The following CTNND1 variants were observed in gnomAD, a reference collection of about 807,000 sequenced individuals.
CTNND1 encodes catenin delta 1.
CTNND1 carries 16 observed loss-of-function variants against 112.1 expected under a neutral mutation model. The ratio of observed to expected loss-of-function variants is 0.14; its 90% CI spans 0.10 to 0.22. CTNND1 has a LOEUF of 0.22. Ranked by LOEUF, CTNND1 falls within the 10% of genes least tolerant of loss-of-function variation. The probability of loss-of-function intolerance (pLI) is 1.00; values close to 1 mark genes in which losing one functional copy is unlikely to be tolerated. For missense variants in CTNND1, 1,008 were observed against 1,257.0 expected (o/e 0.80, Z 3.00); for synonymous variants, 420 against 446.5 (o/e 0.94, Z 0.75).
chr11:57,804,178 A>G (rs1209762578), intron 8 of CTNND1, among the ~76,000 whole-genome samples: 3 of 152,214 alleles, frequency 2.0e-5, no homozygotes, highest in Non-Finnish European at 4.4e-5. Context: ...AATTCAGCAA[A>G]AGGGGTACAG....
intron 1 of CTNND1, among the ~76,000 whole-genome samples, chr11:57,781,179 C>T (rs1337230487): frequency 3.9e-4 from 59 of 152,108 alleles, no homozygotes; most frequent in Admixed American, 3.9e-3. Flanking sequence ...CCTGGTGATC[C>T]ACCCGCCTCA....
In CTNND1 at chr11:57,801,881, C is replaced by T. The variant is rs61754545; in HGVS notation, c.1105C>T (p.Pro369Ser). The T allele has an allele frequency of 1.9e-5, 30 of 1,613,930 alleles. No individual in the cohort carries two copies. The highest frequency in any genetic ancestry group is 2.4e-5 in the Non-Finnish European group (28 of 1,179,908). Residue 369 changes from proline to serine, a missense_variant, in exon 7 of 21, where the codon CCA becomes TCA. This residue lies in a region of CTNND1 where 216 missense variants were observed against 342.8 expected (regional missense o/e 0.63). Transcript: ENST00000399050. ...TCCTAATTGGAGACAGCCAGAGCTG[C>T]CAGAGGTGATCGCCATGCTTGGATT... ...PPPNWRQPELPEVIAMLGFRL... is the reference protein window; with the variant it reads ...PPPNWRQPELSEVIAMLGFRL...
At position 57,795,719 on chromosome 11, in the gene CTNND1, C is replaced by T. The variant is rs374433581; in HGVS notation, c.410C>T (p.Thr137Ile). ...ETSDDGTTRRTETTVKKVVKT... is the reference protein window; with the variant it reads ...ETSDDGTTRRIETTVKKVVKT... ...TCAGATGATGGGACCACTCGGCGCACAGAGACCACGGTAAACTAAGACGTG... is the reference window on the plus strand; with the variant it reads ...TCAGATGATGGGACCACTCGGCGCATAGAGACCACGGTAAACTAAGACGTG... The change falls in exon 5 of 21, where the codon ACA (threonine) becomes ATA (isoleucine). Residue 137 changes from threonine to isoleucine, a missense_variant. Thr to Ile is a moderately conservative substitution (Grantham distance 89, BLOSUM62 -1). Coordinates refer to ENST00000399050, the MANE Select transcript of CTNND1 (RefSeq NM_001085458.2). The T allele has an allele frequency of 5.0e-6, 8 of 1,596,666 alleles. No homozygotes were observed. In the African/African-American group the frequency reaches 5.4e-5, roughly 11 times the overall value.
chr11:57,809,888 T>C lies in CTNND1; in HGVS notation c.2436-221T>C, dbSNP rs531207622. 3.3e-5 allele frequency among the ~76,000 whole-genome samples: 5 copies of C among 152,132 alleles called. No homozygotes were observed. In the East Asian group the frequency reaches 9.7e-4, roughly 29 times the overall value. ...CCATGCCCAGCTAATTTTTTGTACT[T>C]TTAGTGGAGATGGGGTTTCACCGTG... On this transcript the variant is annotated intron_variant, in intron 15 of 20. Coordinates refer to ENST00000399050, the MANE Select transcript of CTNND1 (RefSeq NM_001085458.2).
intron 7 of CTNND1, among the ~76,000 whole-genome samples, chr11:57,803,147 A>C (rs1480139706): frequency 6.6e-6 from 1 of 152,154 alleles, no homozygotes; most frequent in African/African-American, 2.4e-5. Context: ...TCGCTCTGTC[A>C]CCCAGGCTGG....
intron 2 of CTNND1, among the ~76,000 whole-genome samples, chr11:57,790,553 T>TGTG (rs201289169): frequency 2.0e-4 from 13 of 64,984 alleles, no homozygotes; most frequent in African/African-American, 3.7e-4. Flanking sequence ...TGTGTGTGTG[T>TGTG]TTTTTTTTTT....
At chr11:57,794,382 A>C (rs375122285) in intron 4 of CTNND1, among the ~76,000 whole-genome samples, 1 of 152,058 alleles carries the variant, frequency 6.6e-6, no homozygotes, top group African/African-American at 2.4e-5. Context: ...GCAGCAAAAA[A>C]CCCTACCTAA....
rs946525296 is a variant in CTNND1 at position 57,775,991 on chromosome 11, A to G, written c.-213-13046A>G. Reference sequence around the variant, plus strand: ...TTTTCTGACATTTGAAAATACACCAAAGAGTTGGAGGGAAGAAACTGAAAC... The same window carrying G: ...TTTTCTGACATTTGAAAATACACCAGAGAGTTGGAGGGAAGAAACTGAAAC... On this transcript the variant is annotated intron_variant, in intron 1 of 20. Coordinates refer to ENST00000399050, the MANE Select transcript of CTNND1 (RefSeq NM_001085458.2). Among the ~76,000 whole-genome samples, 3 of 152,166 alleles carry G rather than the reference A, an allele frequency of 2.0e-5. No individual in the cohort carries two copies. The East Asian group carries it at 5.8e-4, about 29-fold the overall frequency.
At chr11:57,767,327 C>T (rs17455422) in intron 1 of CTNND1, among the ~76,000 whole-genome samples, 51,258 of 152,020 alleles carry the variant, frequency 0.34, 9,525 homozygotes, top group Middle Eastern at 0.43. Context: ...TTTCACAAAA[C>T]ATGTCCCAGG....
At chr11:57,789,558 T>TA (rs1334119894) in intron 2 of CTNND1, among the ~76,000 whole-genome samples, 2 of 152,176 alleles carry the variant, frequency 1.3e-5, no homozygotes, top group African/African-American at 4.8e-5. Flanking sequence ...GGTAAAAAGA[T>TA]AGTCTATTTA....
At chr11:57,804,837 G>A (rs759101108) in intron 9 of CTNND1, 57 bp downstream of exon 9, 121 of 1,250,282 alleles carry the variant, frequency 9.7e-5, no homozygotes, top group Non-Finnish European at 1.3e-4. Context: ...CAACTATGAA[G>A]TATCTGTAGG....
At chr11:57,800,345 G>A (rs1379169807) in intron 6 of CTNND1, among the ~76,000 whole-genome samples, 1 of 151,088 alleles carries the variant, frequency 6.6e-6, no homozygotes, top group African/African-American at 2.4e-5. Flanking sequence ...TCAGTTCACT[G>A]CAACCTCCAC....
intron 15 of CTNND1, among the ~76,000 whole-genome samples, 168 bp downstream of exon 15, chr11:57,809,634 C>G (rs984806808): frequency 2.0e-5 from 3 of 152,180 alleles, no homozygotes; most frequent in African/African-American, 7.2e-5. Flanking sequence ...ATAATAGATT[C>G]ATGTCAAACT....
chr11:57,795,646 A>C lies in CTNND1; in HGVS notation c.337A>C (p.Thr113Pro), dbSNP rs201815246. ...GCCGGGGCAGATTGTGGAGACCTAC[A>C]CGGAGGAGGATCCTGAGGGAGCCAT... ...QEPGQIVETY[T>P]EEDPEGAMSV... Residue 113 changes from threonine to proline, a missense_variant, in exon 5 of 21, where the codon ACG (threonine) becomes CCG (proline). Physicochemically the swap from Thr to Pro is conservative, Grantham distance 38. Transcript: ENST00000399050. 202 of 1,610,046 alleles carry C rather than the reference A, an allele frequency of 1.3e-4. No individual in the cohort carries two copies. The African/African-American group carries it at 2.5e-3, about 20-fold the overall frequency.
rs2059839155 is a variant in CTNND1, at chr11:57,783,671, A to C, written c.-213-5366A>C. Among the ~76,000 whole-genome samples, 3 of 152,104 alleles carry C rather than the reference A, an allele frequency of 2.0e-5. No individual in the cohort carries two copies. In the South Asian group the frequency reaches 6.2e-4, roughly 32 times the overall value. ...GAGACTCCATCTCAAAATAAAAAAA[A>C]AGCCATAGAAAATCTTGACAAAATA... On this transcript the variant is annotated intron_variant, in intron 1 of 20. Coordinates refer to ENST00000399050, the MANE Select transcript of CTNND1 (RefSeq NM_001085458.2).
rs1159028303 is a variant in CTNND1, at chr11:57,808,526, A to G, written c.2228A>G (p.Asn743Ser). The change falls in exon 14 of 21, where the codon AAC becomes AGC. Residue 743 changes from asparagine (N) to serine (S), a missense_variant. By Grantham distance (46) the Asn-to-Ser change is conservative (BLOSUM62 1). This residue lies in a region of CTNND1 where 254 missense variants were observed against 279.5 expected (regional missense o/e 0.91). Transcript: ENST00000399050. ...ALRNLAVDAR[N>S]KELIGKHAIP... is the part of the protein sequence containing the mutation. ...AGAAACCTGGCTGTGGATGCTCGCA[A>G]CAAAGAATTAATTGGTGAGGAGTTG... is the stretch of plus-strand genomic sequence containing the variant. 5.0e-6 allele frequency: 8 copies of G among 1,602,172 alleles called. No individual in the cohort carries two copies. Among genetic ancestry groups the G allele is most frequent in the Admixed American group, 1.8e-5 (1 of 57,064 alleles).
chr11:57,803,927 C>T (rs961566432), intron 8 of CTNND1, 123 bp downstream of exon 8: 4 of 666,452 alleles, frequency 6.0e-6, no homozygotes, highest in African/African-American at 1.8e-5. Context: ...ATCTGTATTG[C>T]ATACTGTAAC....
At chr11:57,790,281 G>A (rs977257277) in intron 2 of CTNND1, among the ~76,000 whole-genome samples, 2 of 152,004 alleles carry the variant, frequency 1.3e-5, no homozygotes, top group Non-Finnish European at 2.9e-5. Context: ...TGTTGGCCAG[G>A]CTGGTCTTGA....
At chr11:57,770,730 T>C (rs1230257610) in intron 1 of CTNND1, among the ~76,000 whole-genome samples, 1 of 152,172 alleles carries the variant, frequency 6.6e-6, no homozygotes, top group Non-Finnish European at 1.5e-5. Flanking sequence ...AACTAAAATA[T>C]ATTCTCATGG....
Sources: gnomAD v4.1 joint callset for allele counts (sites outside exome capture counted in the v4.1 genomes callset) on GRCh38, gnomAD v4.1.1 for gene constraint, gnomAD v4.1.1 regional missense constraint, MANE v1.5 for transcripts, NCBI Gene and HGNC (gene_info 2026-07-23, HGNC 2026-07-21) for gene names.